Variants in GAK observed in about 807,000 individuals in gnomAD.
GAK encodes the protein cyclin-G-associated kinase.
GAK carries 79 observed loss-of-function variants against 143.9 expected under a neutral mutation model. The ratio of observed to expected loss-of-function variants is 0.55; its 90% CI spans 0.46 to 0.66. GAK has a LOEUF of 0.66. GAK is among the 30% of genes least tolerant of loss of function. The probability of loss-of-function intolerance (pLI) is 0.00; values close to 1 mark genes in which losing one functional copy is unlikely to be tolerated. For synonymous variants in GAK, 881 were observed against 765.5 expected (o/e 1.15, Z -2.49); for missense variants, 1,693 against 1,779.7 (o/e 0.95, Z 0.88).
intron 5 of GAK, among the ~76,000 whole-genome samples, chr4:899,374 C>T (rs1385566702): frequency 2.6e-5 from 4 of 152,028 alleles, no homozygotes; most frequent in African/African-American, 4.8e-5. Flanking sequence ...GAGGGCAGCA[C>T]GCCAGCCACA....
intron 21 of GAK, 43 bp downstream of exon 21, chr4:866,913 C>A: frequency 7.4e-7 from 1 of 1,353,798 alleles, no homozygotes; most frequent in South Asian, 1.5e-5. Context: ...CCTCATCACT[C>A]ATCTACTGTG....
chr4:906,782 A>G (rs1379469453), intron 4 of GAK, among the ~76,000 whole-genome samples: 1 of 151,956 alleles, frequency 6.6e-6, no homozygotes, highest in African/African-American at 2.4e-5. Flanking sequence ...GGCCAGTACC[A>G]CCACCCACGG....
At chr4:884,811 G>A (rs757871355) in intron 11 of GAK, among the ~76,000 whole-genome samples, 51 of 152,336 alleles carry the variant, frequency 3.3e-4, no homozygotes, top group Admixed American at 9.2e-4. Flanking sequence ...CGGAGGCTGC[G>A]GGGACCAGAA....
chr4:853,539 G>C (rs116888580), intron 24 of GAK: 1 of 152,286 alleles, frequency 6.6e-6, no homozygotes, highest in Non-Finnish European at 1.5e-5. Flanking sequence ...GGGGCAATGC[G>C]CGAGACACGC....
chr4:889,928 C>T (rs538027145), intron 10 of GAK, among the ~76,000 whole-genome samples: 41 of 152,328 alleles, frequency 2.7e-4, no homozygotes, highest in African/African-American at 8.7e-4. Context: ...ACTCCTCATG[C>T]GGCAGAAGGG....
rs780448687 is a variant in GAK at position 893,407 on chromosome 4, G to A, written c.960C>T (p.Arg320=). Residue 320 remains arginine (R), a synonymous_variant, in exon 9 of 28, where the codon CGC becomes CGT. Coordinates refer to ENST00000314167, the MANE Select transcript of GAK (RefSeq NM_005255.4). ...VHQLQEIAAA[R]NVNPKSPITE... is the part of the protein sequence containing the mutation. Reference sequence around the variant, plus strand: ...TGATGGGAGACTTGGGGTTCACGTTGCGGGCGGCCGCGATCTCCTGCAGCT... The same window carrying A: ...TGATGGGAGACTTGGGGTTCACGTTACGGGCGGCCGCGATCTCCTGCAGCT... The A allele has an allele frequency of 1.2e-5, 19 of 1,588,640 alleles. No homozygotes were observed. Among genetic ancestry groups the A allele is most frequent in the Non-Finnish European group, 1.5e-5 (18 of 1,167,634 alleles).
At chr4:898,229 G>A (rs1305127133) in intron 5 of GAK, 71 bp from the exon 6 acceptor site, 1 of 1,573,630 alleles carries the variant, frequency 6.4e-7, no homozygotes, top group Non-Finnish European at 8.7e-7. Flanking sequence ...AAAACGAACG[G>A]GTGTGAGACA....
chr4:851,794 A>G lies in GAK; in HGVS notation c.3464T>C (p.Val1155Ala). Reference protein sequence around the residue: ...PRPNYASNFSVIGAREERGVR... With the variant: ...PRPNYASNFSAIGAREERGVR... Reference sequence around the variant, plus strand: ...CCCCCGCTCCTCCCGCGCCCCGATCACACTGAAGTTCGAGGCATAGTTAGG... The same window carrying G: ...CCCCCGCTCCTCCCGCGCCCCGATCGCACTGAAGTTCGAGGCATAGTTAGG... Residue 1155 changes from valine to alanine, a missense_variant, in exon 25 of 28, where the codon GTG becomes GCG. Transcript: ENST00000314167. 6.2e-7 allele frequency: 1 copy of G among 1,612,826 alleles called. No individual in the cohort carries two copies. The highest frequency in any genetic ancestry group is 8.5e-7 in the Non-Finnish European group (1 of 1,179,460).
chr4:856,173 G>A (rs1749091995), intron 24 of GAK, among the ~76,000 whole-genome samples: 1 of 137,068 alleles, frequency 7.3e-6, no homozygotes, highest in East Asian at 2.4e-4. Context: ...CACCACCACA[G>A]CTGCTCACAC....
At chr4:899,610 A>C (rs1479934299) in intron 5 of GAK, among the ~76,000 whole-genome samples, 1 of 152,212 alleles carries the variant, frequency 6.6e-6, no homozygotes, top group Non-Finnish European at 1.5e-5. Flanking sequence ...GAAAAAATGC[A>C]AACTAAGGCC....
At chr4:924,849 A>T (rs1014403297) in intron 1 of GAK, among the ~76,000 whole-genome samples, 7 of 147,060 alleles carry the variant, frequency 4.8e-5, no homozygotes, top group Non-Finnish European at 1.0e-4. Context: ...GGCTGCTCTC[A>T]GGATAGTGAG....
chr4:866,255 C>G, intron 22 of GAK, 109 bp downstream of exon 22: 1 of 1,166,792 alleles, frequency 8.6e-7, no homozygotes, highest in African/African-American at 1.5e-5. Flanking sequence ...GGAGGCCACA[C>G]AGTCCAGCCC....
intron 23 of GAK, among the ~76,000 whole-genome samples, chr4:864,431 ATCTGACTGGCTT>A (rs1447578847): frequency 1.3e-5 from 2 of 152,226 alleles, no homozygotes; most frequent in Non-Finnish European, 2.9e-5. Context: ...GGAAAACAAA[ATCTGACTGGCTT>A]TCTAGGGGTG....
At chr4:860,370 G>C (rs1750063405) in intron 23 of GAK, among the ~76,000 whole-genome samples, 1 of 149,684 alleles carries the variant, frequency 6.7e-6, no homozygotes, top group Non-Finnish European at 1.5e-5. Flanking sequence ...AACCGTGGTA[G>C]AGCTACTTGA....
At chr4:865,684 G>A (rs1007320343) in intron 22 of GAK, among the ~76,000 whole-genome samples, 5 of 152,202 alleles carry the variant, frequency 3.3e-5, no homozygotes, top group Admixed American at 6.5e-5. Flanking sequence ...CACCTCTGGC[G>A]GCACCCGCCC....
At chr4:884,824 G>A (rs534466175) in intron 11 of GAK, among the ~76,000 whole-genome samples, 1 of 152,228 alleles carries the variant, frequency 6.6e-6, no homozygotes, top group African/African-American at 2.4e-5. Flanking sequence ...GACCAGAAAG[G>A]CTGGGCTAGG....
At chr4:864,981 G>A in intron 23 of GAK, 141 bp downstream of exon 23, 1 of 1,187,684 alleles carries the variant, frequency 8.4e-7, no homozygotes. Flanking sequence ...CTTGTGTGCG[G>A]AGCCCGCACC....
At position 868,522 on chromosome 4, in the gene GAK, C is replaced by CCAGG. The variant is rs536905414; in HGVS notation, c.2395+13_2395+16dup. Reference sequence around the variant, plus strand: ...GCCTGCCCTCTGCAAGTGGCCAGGTCCAGGGACGCTGCCTACCCTGCCAGT... The same window carrying CCAGG: ...GCCTGCCCTCTGCAAGTGGCCAGGTCCAGGCAGGGACGCTGCCTACCCTGCCAGT... On this transcript the variant is annotated intron_variant, in intron 20 of 27. Coordinates refer to ENST00000314167, the MANE Select transcript of GAK (RefSeq NM_005255.4). 184 of 1,598,870 alleles carry CCAGG rather than the reference C, an allele frequency of 1.2e-4. No individual in the cohort carries two copies. The East Asian group carries it at 3.9e-3, about 34-fold the overall frequency.
At position 920,646 on chromosome 4, in the gene GAK, C is replaced by T. The variant is rs183233158; in HGVS notation, c.146-6978G>A. Among the ~76,000 whole-genome samples the T allele has an allele frequency of 3.9e-3, 589 of 149,420 alleles. 15 individuals carry two copies. In the South Asian group the frequency reaches 0.059, roughly 15 times the overall value. ...GCAACCTCCGCCTCCCGGGTTCAAGCGATTCTCCTGCCTCAGCCTCCCAAG... is the reference window on the plus strand; with the variant it reads ...GCAACCTCCGCCTCCCGGGTTCAAGTGATTCTCCTGCCTCAGCCTCCCAAG... On this transcript the variant is annotated intron_variant, in intron 1 of 27. Transcript: ENST00000314167.
Sources: allele counts gnomAD v4.1 joint callset (sites outside exome capture counted in the v4.1 genomes callset), GRCh38; gene constraint gnomAD v4.1.1; transcripts MANE v1.5; gene names NCBI Gene and HGNC (gene_info 2026-07-23, HGNC 2026-07-21).